AFAP1: variants seen among roughly 807,000 people sequenced by gnomAD.
The protein encoded by AFAP1 is actin filament associated protein 1.
AFAP1 carries 75 observed loss-of-function variants against 93.9 expected under a neutral mutation model. The ratio of observed to expected loss-of-function variants is 0.80; its 90% confidence interval spans 0.66 to 0.97. AFAP1 has a LOEUF of 0.97. AFAP1 is among the 50% of genes least tolerant of loss of function. The pLI, the probability that AFAP1 is intolerant of heterozygous loss-of-function variation, is 0.00. For synonymous variants in AFAP1, 517 were observed against 430.7 expected (o/e 1.20, Z -2.48); for missense variants, 1,201 against 1,050.8 (o/e 1.14, Z -1.98).
intron 3 of AFAP1, among the ~76,000 whole-genome samples, chr4:7,856,522 C>G (rs28394500): frequency 0.38 from 57,870 of 151,956 alleles, 12,129 homozygotes; most frequent in East Asian, 0.64. Flanking sequence ...TTACAGGTGT[C>G]AGCCACCGCA....
Position 7,881,823 on chromosome 4 carries a change from C to T in AFAP1, c.-2-9743G>A, listed in dbSNP as rs114872278. ...AGTAAAAGAAACCTGGACTCTGTCA[C>T]CACATAAACCTGGATCCACATCCCA... On this transcript the variant is annotated intron_variant, in intron 1 of 17. Transcript: ENST00000420658. 8.9e-3 allele frequency among the ~76,000 whole-genome samples: 1,348 copies of T among 152,122 alleles called. 12 individuals carry two copies. The highest frequency in any genetic ancestry group is 0.013 in the Non-Finnish European group (896 of 67,972).
chr4:7,815,303 C>T (rs1189132623), intron 8 of AFAP1, among the ~76,000 whole-genome samples: 1 of 152,138 alleles, frequency 6.6e-6, no homozygotes, highest in Non-Finnish European at 1.5e-5. Flanking sequence ...GCTCTTGCAA[C>T]ATTAAAAGAG....
intron 1 of AFAP1, among the ~76,000 whole-genome samples, chr4:7,904,734 G>A (rs1719306172): frequency 1.3e-5 from 2 of 152,032 alleles, no homozygotes; most frequent in Admixed American, 1.3e-4. Flanking sequence ...TTTTAGGACG[G>A]GGTCTTGCTC....
At chr4:7,896,251 G>A (rs1424741652) in intron 1 of AFAP1, among the ~76,000 whole-genome samples, 1 of 152,066 alleles carries the variant, frequency 6.6e-6, no homozygotes, top group Non-Finnish European at 1.5e-5. Flanking sequence ...CATTAAAAGA[G>A]GTTTTTTACA....
chr4:7,864,161 C>G (rs1372799175), intron 3 of AFAP1, among the ~76,000 whole-genome samples: 1 of 152,266 alleles, frequency 6.6e-6, no homozygotes, highest in Non-Finnish European at 1.5e-5. Context: ...CTTCTCATCA[C>G]AACCCACAGG....
intron 8 of AFAP1, among the ~76,000 whole-genome samples, chr4:7,811,343 C>T (rs1288855922): frequency 6.6e-6 from 1 of 151,516 alleles, no homozygotes; most frequent in Non-Finnish European, 1.5e-5. Flanking sequence ...AACCCACACA[C>T]ATCCCACGGA....
At chr4:7,790,590 C>T (rs144693504) in intron 11 of AFAP1, among the ~76,000 whole-genome samples, 157 of 152,238 alleles carry the variant, frequency 1.0e-3, no homozygotes, top group African/African-American at 3.7e-3. Context: ...TAGTGAACAA[C>T]CATAACCACT....
intron 1 of AFAP1, among the ~76,000 whole-genome samples, chr4:7,926,138 C>T (rs1285629614): frequency 1.3e-5 from 2 of 152,158 alleles, no homozygotes; most frequent in African/African-American, 4.8e-5. Context: ...CCTGACTTAC[C>T]GGGGTCACCC....
At position 7,794,517 on chromosome 4, in the gene AFAP1, C is replaced by T. The variant is rs139036913; in HGVS notation, c.1267-691G>A. Among the ~76,000 whole-genome samples, 103 of 151,848 alleles carry T rather than the reference C, an allele frequency of 6.8e-4. 2 individuals are homozygous for T. In the East Asian group the frequency reaches 0.02, roughly 29 times the overall value. On this transcript the variant is annotated intron_variant, in intron 10 of 17. Coordinates refer to ENST00000420658, the MANE Select transcript of AFAP1 (RefSeq NM_001134647.2). ...ATGTTCGTTCAATTTTTAAGCCATCCTTTTATTTATTTATTTTTTTTTGAG... is the reference window on the plus strand; with the variant it reads ...ATGTTCGTTCAATTTTTAAGCCATCTTTTTATTTATTTATTTTTTTTTGAG...
chr4:7,814,641 G>A (rs150379950), intron 8 of AFAP1, among the ~76,000 whole-genome samples: 3 of 152,326 alleles, frequency 2.0e-5, no homozygotes, highest in East Asian at 1.9e-4. Context: ...CCGACGCAGC[G>A]TGCTGAGTGA....
intron 17 of AFAP1, among the ~76,000 whole-genome samples, chr4:7,764,182 C>T (rs1279959274): frequency 1.3e-5 from 2 of 152,172 alleles, no homozygotes; most frequent in African/African-American, 2.4e-5. Context: ...AGAAACAGGC[C>T]GATGACAAAA....
chr4:7,899,373 G>C (rs911336575), intron 1 of AFAP1, among the ~76,000 whole-genome samples: 4 of 152,122 alleles, frequency 2.6e-5, no homozygotes, highest in Non-Finnish European at 4.4e-5. Flanking sequence ...ACAGTGGCTG[G>C]GTGAATGACG....
intron 10 of AFAP1, among the ~76,000 whole-genome samples, chr4:7,794,609 A>G (rs574210612): frequency 6.6e-6 from 1 of 151,912 alleles, no homozygotes; most frequent in African/African-American, 2.4e-5. Flanking sequence ...GCAGCCTCCA[A>G]CTCCTAGGCT....
At chr4:7,933,040 A>AAAAAAG (rs1553858303) in intron 1 of AFAP1, among the ~76,000 whole-genome samples, 2 of 118,888 alleles carry the variant, frequency 1.7e-5, no homozygotes, top group Non-Finnish European at 1.7e-5. Context: ...AAAAAAAAAA[A>AAAAAAG]GGGGGGGGAT....
chr4:7,856,587 T>A (rs939237332), intron 3 of AFAP1, among the ~76,000 whole-genome samples: 1 of 152,210 alleles, frequency 6.6e-6, no homozygotes, highest in Non-Finnish European at 1.5e-5. Context: ...TCTCTGGTTG[T>A]GAAGCCATAG....
In AFAP1 at chr4:7,790,638, A is replaced by C. The variant is rs962493262; in HGVS notation, c.1412+3043T>G. Among the ~76,000 whole-genome samples the C allele has an allele frequency of 4.0e-5, 6 of 150,514 alleles. 1 individual carries two copies. The highest frequency in any genetic ancestry group is 7.5e-5 in the African/African-American group (3 of 39,802). On this transcript the variant is annotated intron_variant, in intron 11 of 17. Coordinates refer to ENST00000420658, the MANE Select transcript of AFAP1 (RefSeq NM_001134647.2). The stretch of plus-strand genomic sequence containing the variant: ...AGTTGGGCAGATTTTGCAAAAATAG[A>C]CTTACGGATCTTATATCTCTTTAAA...
rs1713804771 is a variant in AFAP1, at chr4:7,761,556, C to T, written c.*2209G>A. The T allele has an allele frequency of 6.6e-6, 1 of 152,288 alleles. No homozygotes were observed. Among genetic ancestry groups the T allele is most frequent in the African/African-American group, 2.4e-5 (1 of 41,460 alleles). The allele number at this position is 152,288 out of a possible 1,614,324, so 9.4% of individuals were successfully genotyped here. On this transcript the variant is annotated 3_prime_UTR_variant, in exon 18 of 18. Transcript: ENST00000420658. ...ACTTCACCTGCCAGCTCGCTGCTGC[C>T]CACCTGTGCTGGGCCAGGACCGTGA...
chr4:7,853,260 A>G (rs933777086), intron 4 of AFAP1, among the ~76,000 whole-genome samples: 6 of 149,346 alleles, frequency 4.0e-5, no homozygotes, highest in African/African-American at 1.2e-4. Flanking sequence ...TTGACCAAAG[A>G]TAAACTGTGG....
intron 12 of AFAP1, among the ~76,000 whole-genome samples, chr4:7,785,592 A>T (rs1717185140): frequency 6.6e-6 from 1 of 152,188 alleles, no homozygotes; most frequent in African/African-American, 2.4e-5. Context: ...TATTACTCTA[A>T]CATGTTCTCC....
Sources: gnomAD v4.1 joint callset for allele counts (sites outside exome capture counted in the v4.1 genomes callset) on GRCh38, gnomAD v4.1.1 for gene constraint, MANE v1.5 for transcripts, NCBI Gene and HGNC (gene_info 2026-07-23, HGNC 2026-07-21) for gene names.